Variants in SIMC1 observed in about 807,000 individuals in gnomAD.
SIMC1 encodes the protein SUMO-interacting motif-containing protein 1.
In SIMC1, 55 loss-of-function variants were observed where a neutral mutation model predicts 82.3. That is an observed-to-expected ratio of 0.67 (90% CI 0.54 to 0.84). The LOEUF is 0.84. Ranked by LOEUF, SIMC1 falls within the 40% of genes least tolerant of loss-of-function variation. The pLI is 0.00. For synonymous variants in SIMC1, 353 were observed against 426.3 expected, an observed-to-expected ratio of 0.83 and a Z score of 2.12; for missense variants, 915 against 1,107.2, an observed-to-expected ratio of 0.83 and a Z score of 2.46.
chr5:176,321,702 T>G (rs1235956202), intron 5 of SIMC1, among the ~76,000 whole-genome samples: 1 of 152,124 alleles, frequency 6.6e-6, no homozygotes, highest in African/African-American at 2.4e-5. Flanking sequence ...CTCTAAACCT[T>G]AGTTGTTAAC....
intron 1 of SIMC1, among the ~76,000 whole-genome samples, chr5:176,249,843 CAAAAAAAAA>C (rs66752759): frequency 2.4e-5 from 2 of 81,804 alleles, no homozygotes; most frequent in Non-Finnish European, 4.4e-5. Context: ...GATTCCGTCT[CAAAAAAAAA>C]AAAAAAAAAA....
chr5:176,288,308 T>C (rs899439458), intron 1 of SIMC1, among the ~76,000 whole-genome samples: 1 of 152,132 alleles, frequency 6.6e-6, no homozygotes, highest in Non-Finnish European at 1.5e-5. Flanking sequence ...CTTGGGAGGC[T>C]GAGGCAGGAG....
chr5:176,317,978 G>A (rs992389228), intron 5 of SIMC1, among the ~76,000 whole-genome samples: 4 of 152,204 alleles, frequency 2.6e-5, no homozygotes, highest in Admixed American at 2.0e-4. Flanking sequence ...CAACTCAAGA[G>A]CCTGGTTACA....
rs576046962 is a variant in SIMC1 at position 176,251,428 on chromosome 5, C to T, written c.129+12791C>T. Among the ~76,000 whole-genome samples, 7 of 152,234 alleles carry T rather than the reference C, an allele frequency of 4.6e-5. No homozygotes were observed. The East Asian group carries it at 1.4e-3, about 29-fold the overall frequency. ...AGTGGCTGGTACCGGTTTTTCCTTT[C>T]CATATTTAGTGCTTCCTTCAGGAGC... On this transcript the variant is annotated intron_variant, in intron 1 of 9. Coordinates refer to ENST00000429602, the MANE Select transcript of SIMC1 (RefSeq NM_001308195.2).
In SIMC1 at chr5:176,338,633, T is replaced by G. The variant is rs185917886; in HGVS notation, c.2413+1487T>G. On this transcript the variant is annotated intron_variant, in intron 9 of 9. Coordinates refer to ENST00000429602, the MANE Select transcript of SIMC1 (RefSeq NM_001308195.2). ...TTGAGGGGTAGAGGGGTATAGTGTC[T>G]GCAACTTATTCCCAAATAGTGAGGG... Among the ~76,000 whole-genome samples, 560 of 152,256 alleles carry G rather than the reference T, an allele frequency of 3.7e-3. 3 individuals carry two copies. Among genetic ancestry groups the G allele is most frequent in the African/African-American group, 0.013 (532 of 41,550 alleles).
intron 1 of SIMC1, among the ~76,000 whole-genome samples, chr5:176,245,252 C>CA (rs1761398581): frequency 6.6e-6 from 1 of 152,142 alleles, no homozygotes; most frequent in Admixed American, 6.5e-5. Context: ...CATGTGAAGA[C>CA]ACAGGGGAAG....
chr5:176,328,270 T>C (rs774595176), intron 7 of SIMC1, among the ~76,000 whole-genome samples: 8 of 152,106 alleles, frequency 5.3e-5, no homozygotes, highest in Non-Finnish European at 7.4e-5. Flanking sequence ...AATATACATA[T>C]CTTTTTGTAA....
intron 4 of SIMC1, among the ~76,000 whole-genome samples, chr5:176,312,807 T>C (rs1294112253): frequency 6.6e-6 from 1 of 152,200 alleles, no homozygotes; most frequent in Non-Finnish European, 1.5e-5. Context: ...CAGAAATAGT[T>C]TGGTACCTTC....
chr5:176,244,573 G>A (rs1761371650), intron 1 of SIMC1, among the ~76,000 whole-genome samples: 1 of 152,018 alleles, frequency 6.6e-6, no homozygotes, highest in Non-Finnish European at 1.5e-5. Context: ...AGTGAGGTTG[G>A]AGATAAAGGA....
chr5:176,293,236 G>A (rs1253481761), intron 2 of SIMC1, among the ~76,000 whole-genome samples: 7 of 151,994 alleles, frequency 4.6e-5, no homozygotes, highest in Admixed American at 4.6e-4. Flanking sequence ...CCAGGAGTTT[G>A]AGACCAGCCT....
intron 1 of SIMC1, among the ~76,000 whole-genome samples, chr5:176,276,746 T>C (rs1345246461): frequency 7.0e-6 from 1 of 142,630 alleles, no homozygotes; most frequent in Non-Finnish European, 1.5e-5. Flanking sequence ...TGATTTCCAA[T>C]TTCATCCATG....
chr5:176,262,659 G>T (rs1223653054), intron 1 of SIMC1, among the ~76,000 whole-genome samples: 1 of 152,104 alleles, frequency 6.6e-6, no homozygotes, highest in Admixed American at 6.5e-5. Context: ...ATACAAATCA[G>T]CCAGGCATGG....
At chr5:176,279,336 T>C (rs1762871966) in intron 1 of SIMC1, among the ~76,000 whole-genome samples, 1 of 152,226 alleles carries the variant, frequency 6.6e-6, no homozygotes, top group African/African-American at 2.4e-5. Context: ...TTATCATTTT[T>C]TATTGCGTCT....
chr5:176,271,766 C>T (rs13188442), intron 1 of SIMC1, among the ~76,000 whole-genome samples: 6 of 150,560 alleles, frequency 4.0e-5, no homozygotes, highest in African/African-American at 7.3e-5. Flanking sequence ...CTTGAGGTGA[C>T]GGATACCCAT....
chr5:176,323,945 G>A (rs971821806), intron 6 of SIMC1, among the ~76,000 whole-genome samples: 5 of 148,034 alleles, frequency 3.4e-5, no homozygotes, highest in Admixed American at 6.9e-5. Context: ...CCAAGATCGC[G>A]CCACAGCACT....
intron 4 of SIMC1, among the ~76,000 whole-genome samples, chr5:176,305,161 T>C (rs1429999018): frequency 3.0e-4 from 13 of 44,066 alleles, no homozygotes; most frequent in South Asian, 7.9e-4. Flanking sequence ...GCCCCCCGCC[T>C]GGCCAGCCGT....
intron 7 of SIMC1, among the ~76,000 whole-genome samples, chr5:176,329,475 G>A (rs979792613): frequency 3.6e-5 from 5 of 137,338 alleles, no homozygotes; most frequent in Admixed American, 1.6e-4. Context: ...CAGCCTGGGC[G>A]AAAGAGCGAG....
intron 1 of SIMC1, among the ~76,000 whole-genome samples, chr5:176,283,341 T>C (rs1319645636): frequency 6.6e-6 from 1 of 152,216 alleles, no homozygotes; most frequent in African/African-American, 2.4e-5. Flanking sequence ...AGAAACTCTA[T>C]AAGCCAGAAG....
chr5:176,245,633 C>T (rs535033093), intron 1 of SIMC1, among the ~76,000 whole-genome samples: 213 of 152,074 alleles, frequency 1.4e-3, no homozygotes, highest in Non-Finnish European at 2.4e-3. Flanking sequence ...TCTTAGTTGT[C>T]ATGCTTATGT....
Sources: allele counts gnomAD v4.1 joint callset (sites outside exome capture counted in the v4.1 genomes callset), GRCh38; gene constraint gnomAD v4.1.1; transcripts MANE v1.5; gene names NCBI Gene and HGNC (gene_info 2026-07-23, HGNC 2026-07-21).